Variants in OR6C74 observed in about 807,000 individuals in gnomAD.
OR6C74 encodes the protein olfactory receptor 6C74.
For synonymous variants in OR6C74, 142 were observed against 134.2 expected (o/e 1.06, Z -0.40); for missense variants, 361 against 362.9 (o/e 0.99, Z 0.04).
rs1954261251 is a variant in OR6C74, at chr12:55,244,832, A to G, written c.-10+15A>G. ...AATGAACCTAGGTAAGATTAATGTCATAATAAAATCTTCAAGCCTAAACAT... is the reference window on the plus strand; with the variant it reads ...AATGAACCTAGGTAAGATTAATGTCGTAATAAAATCTTCAAGCCTAAACAT... On this transcript the variant is annotated intron_variant, in intron 1 of 1. Coordinates refer to ENST00000343399, the MANE Select transcript of OR6C74 (RefSeq NM_001005490.2). Among the ~76,000 whole-genome samples, 1 of 152,098 alleles carries G rather than the reference A, an allele frequency of 6.6e-6. No homozygotes were observed. The highest frequency in any genetic ancestry group is 1.5e-5 in the Non-Finnish European group (1 of 67,940).
chr12:55,247,816 T>C lies in OR6C74; in HGVS notation c.529T>C (p.Cys177Arg). ...AGCCAACACTGTAGATCATTTCTTC[T>C]GTGATGTTTCTCCTATACTGCAGCT... ...CAANTVDHFF[C>R]DVSPILQLSC... is the part of the protein sequence containing the mutation. The change falls in exon 2 of 2, where the codon TGT becomes CGT. Residue 177 changes from cysteine (C) to arginine (R), a missense_variant. Cys to Arg is a radical substitution (Grantham distance 180). Coordinates refer to ENST00000343399, the MANE Select transcript of OR6C74 (RefSeq NM_001005490.2). 1 of 1,614,092 alleles carries C rather than the reference T, an allele frequency of 6.2e-7. No individual in the cohort carries two copies. Among genetic ancestry groups the C allele is most frequent in the Non-Finnish European group, 8.5e-7 (1 of 1,180,016 alleles).
rs768687692 is a variant in OR6C74 at position 55,247,789 on chromosome 12, G to A, written c.502G>A (p.Ala168Thr). The change falls in exon 2 of 2, where the codon GCA becomes ACA. Residue 168 changes from alanine (A) to threonine (T), a missense_variant. By Grantham distance (58) the Ala-to-Thr change is moderately conservative. Transcript: ENST00000343399. ...LLMGLQLDFCAANTVDHFFCD... is the reference protein window; with the variant it reads ...LLMGLQLDFCTANTVDHFFCD... ...GATGGGTCTCCAGCTTGATTTCTGTGCAGCCAACACTGTAGATCATTTCTT... is the reference window on the plus strand; with the variant it reads ...GATGGGTCTCCAGCTTGATTTCTGTACAGCCAACACTGTAGATCATTTCTT... 1 of 1,613,870 alleles carries A rather than the reference G, an allele frequency of 6.2e-7. No homozygotes were observed. The highest frequency in any genetic ancestry group is 1.1e-5 in the South Asian group (1 of 91,062).
At position 55,248,130 on chromosome 12, in the gene OR6C74, C is replaced by G. The variant is rs745531145; in HGVS notation, c.843C>G (p.Pro281=). Residue 281 remains proline (P), a synonymous_variant, in exon 2 of 2, where the codon CCC becomes CCG. Transcript: ENST00000343399. ...CTCTGCTCAGCACTTCTGTTGCCCCCATGTTGAATCCCTTTATTTATACAC... is the reference window on the plus strand; with the variant it reads ...CTCTGCTCAGCACTTCTGTTGCCCCGATGTTGAATCCCTTTATTTATACAC... ...GIALLSTSVA[P]MLNPFIYTLR... 1 of 1,613,670 alleles carries G rather than the reference C, an allele frequency of 6.2e-7. No individual in the cohort carries two copies. The highest frequency in any genetic ancestry group is 1.7e-5 in the Admixed American group (1 of 59,980).
At position 55,250,104 on chromosome 12, in the gene OR6C74, C is replaced by G. The variant is rs749342398; in HGVS notation, c.*1878C>G. Among the ~76,000 whole-genome samples, 7 of 152,080 alleles carry G rather than the reference C, an allele frequency of 4.6e-5. No homozygotes were observed. Among genetic ancestry groups the G allele is most frequent in the Non-Finnish European group, 1.0e-4 (7 of 68,010 alleles). On this transcript the variant is annotated 3_prime_UTR_variant, in exon 2 of 2. Transcript: ENST00000343399. ...TAACGACACTCAAGAAAAGTTGACT[C>G]AAAATGTTTGGAATCTGACAAAAAG...
In OR6C74 at chr12:55,255,303, G is replaced by A. The variant is rs1287838390; in HGVS notation, c.*7077G>A. Among the ~76,000 whole-genome samples the A allele has an allele frequency of 6.6e-6, 1 of 152,128 alleles. No individual in the cohort carries two copies. The highest frequency in any genetic ancestry group is 2.4e-5 in the African/African-American group (1 of 41,440). ...GGGAACGAGGAAACAACAGATGTTG[G>A]TGAGGATGTGGAGAAGTAGGAACAC... On this transcript the variant is annotated 3_prime_UTR_variant, in exon 2 of 2. Coordinates refer to ENST00000343399, the MANE Select transcript of OR6C74 (RefSeq NM_001005490.2).
At position 55,248,192 on chromosome 12, in the gene OR6C74, C is replaced by G; in HGVS notation, c.905C>G (p.Thr302Arg). ...CAAGTAAAAGATGTTTTTAAGCACA[C>G]AGTCAAAAAGATTGAACTTTTCTCA... ...NKQVKDVFKH[T>R]VKKIELFSMK is the part of the protein sequence containing the mutation. Residue 302 changes from threonine (T) to arginine (R), a missense_variant, in exon 2 of 2, where the codon ACA (threonine) becomes AGA (arginine). Thr to Arg is a moderately conservative substitution (Grantham distance 71). Coordinates refer to ENST00000343399, the MANE Select transcript of OR6C74 (RefSeq NM_001005490.2). 1 of 1,610,966 alleles carries G rather than the reference C, an allele frequency of 6.2e-7. No homozygotes were observed. Among genetic ancestry groups the G allele is most frequent in the Non-Finnish European group, 8.5e-7 (1 of 1,178,172 alleles).
In OR6C74 at chr12:55,252,693, T is replaced by A. The variant is rs1203300989; in HGVS notation, c.*4467T>A. 6.6e-6 allele frequency among the ~76,000 whole-genome samples: 1 copy of A among 151,980 alleles called. No homozygotes were observed. Among genetic ancestry groups the A allele is most frequent in the Non-Finnish European group, 1.5e-5 (1 of 67,906 alleles). Reference sequence around the variant, plus strand: ...TTTCCCATATTTTTAAAACACCATCTGTTTTGGAACAGAGTAAGGGGGTGA... The same window carrying A: ...TTTCCCATATTTTTAAAACACCATCAGTTTTGGAACAGAGTAAGGGGGTGA... On this transcript the variant is annotated 3_prime_UTR_variant, in exon 2 of 2. Transcript: ENST00000343399.
At position 55,248,015 on chromosome 12, in the gene OR6C74, T is replaced by C. The variant is rs1954286358; in HGVS notation, c.728T>C (p.Met243Thr). 3 of 1,614,068 alleles carry C rather than the reference T, an allele frequency of 1.9e-6. No homozygotes were observed. The highest frequency in any genetic ancestry group is 2.5e-6 in the Non-Finnish European group (3 of 1,179,962). The change falls in exon 2 of 2, where the codon ATG (methionine) becomes ACG (threonine). Residue 243 changes from methionine to threonine, a missense_variant. Coordinates refer to ENST00000343399, the MANE Select transcript of OR6C74 (RefSeq NM_001005490.2). ...KKAFSTCSSH[M>T]VVVSISYGSC... ...GCATTTTCTACATGTTCTTCCCACA[T>C]GGTGGTCGTGTCCATTTCTTATGGC... is the stretch of plus-strand genomic sequence containing the variant.
At chr12:55,247,114 A>G (rs775597397) in intron 1 of OR6C74, 165 bp from the exon 2 acceptor site, 10 of 493,040 alleles carry the variant, frequency 2.0e-5, no homozygotes, top group Middle Eastern at 5.0e-4. Context: ...GCATGTATTT[A>G]GCAACATTTT....
rs188032119 is a variant in OR6C74 at position 55,254,388 on chromosome 12, C to T, written c.*6162C>T. Among the ~76,000 whole-genome samples, 292 of 152,164 alleles carry T rather than the reference C, an allele frequency of 1.9e-3. No homozygotes were observed. Among genetic ancestry groups the T allele is most frequent in the African/African-American group, 6.5e-3 (271 of 41,534 alleles). On this transcript the variant is annotated 3_prime_UTR_variant, in exon 2 of 2. Coordinates refer to ENST00000343399, the MANE Select transcript of OR6C74 (RefSeq NM_001005490.2). ...TTTACATATATGAAATACATACACA[C>T]ATATATGTAATTCCCAGTTGGGATC...
intron 1 of OR6C74, among the ~76,000 whole-genome samples, chr12:55,245,142 T>C (rs1398086130): frequency 6.6e-6 from 1 of 152,120 alleles, no homozygotes; most frequent in Admixed American, 6.5e-5. Context: ...TTTGTTTTTG[T>C]TTTTGTTTTT....
Position 55,252,165 on chromosome 12 carries a change from T to C in OR6C74, c.*3939T>C, listed in dbSNP as rs1954315562. ...ATATTTTAATAATATAACTTTACAG[T>C]ATAACTTTTAATTTTACTTATGGTA... is the stretch of plus-strand genomic sequence containing the variant. On this transcript the variant is annotated 3_prime_UTR_variant, in exon 2 of 2. Transcript: ENST00000343399. Among the ~76,000 whole-genome samples, 1 of 151,758 alleles carries C rather than the reference T, an allele frequency of 6.6e-6. No homozygotes were observed. The highest frequency in any genetic ancestry group is 1.5e-5 in the Non-Finnish European group (1 of 67,790).
chr12:55,246,310 G>C (rs1196668809), intron 1 of OR6C74, among the ~76,000 whole-genome samples: 1 of 152,148 alleles, frequency 6.6e-6, no homozygotes, highest in Non-Finnish European at 1.5e-5. Flanking sequence ...ATGCAGAGCA[G>C]TGACACTAAT....
Position 55,253,190 on chromosome 12 carries a change from T to G in OR6C74, c.*4964T>G, listed in dbSNP as rs1202322178. Among the ~76,000 whole-genome samples the G allele has an allele frequency of 2.6e-5, 4 of 152,130 alleles. No individual in the cohort carries two copies. Among genetic ancestry groups the G allele is most frequent in the Non-Finnish European group, 5.9e-5 (4 of 67,980 alleles). On this transcript the variant is annotated 3_prime_UTR_variant, in exon 2 of 2. Transcript: ENST00000343399. ...TTCATTCCCAAAATCAATAACTGGA[T>G]ATTTAGTGCCAGAATTATTTTTGAT...
chr12:55,255,110 A>T lies in OR6C74; in HGVS notation c.*6884A>T, dbSNP rs545556725. ...ATTTGCTTCCTGACTAGGATTATAA[A>T]ATAGATGTCTCCCAGGGTGGCCAGG... On this transcript the variant is annotated 3_prime_UTR_variant, in exon 2 of 2. Coordinates refer to ENST00000343399, the MANE Select transcript of OR6C74 (RefSeq NM_001005490.2). 1.3e-5 allele frequency among the ~76,000 whole-genome samples: 2 copies of T among 152,164 alleles called. No homozygotes were observed. The highest frequency in any genetic ancestry group is 3.9e-4 in the East Asian group (2 of 5,160).
At chr12:55,246,811 A>G (rs1399621245) in intron 1 of OR6C74, among the ~76,000 whole-genome samples, 1 of 152,096 alleles carries the variant, frequency 6.6e-6, no homozygotes, top group Non-Finnish European at 1.5e-5. Context: ...CTTTGCTTTG[A>G]TCTTAAAAGA....
rs556283600 is a variant in OR6C74 at position 55,251,916 on chromosome 12, T to C, written c.*3690T>C. Among the ~76,000 whole-genome samples, 2 of 151,854 alleles carry C rather than the reference T, an allele frequency of 1.3e-5. No homozygotes were observed. Among genetic ancestry groups the C allele is most frequent in the East Asian group, 3.9e-4 (2 of 5,168 alleles). Reference sequence around the variant, plus strand: ...AAAAATAAATGCTACCTTCAAATATTAAGATTACTGTGTTCTCAAAAATTA... The same window carrying C: ...AAAAATAAATGCTACCTTCAAATATCAAGATTACTGTGTTCTCAAAAATTA... On this transcript the variant is annotated 3_prime_UTR_variant, in exon 2 of 2. Coordinates refer to ENST00000343399, the MANE Select transcript of OR6C74 (RefSeq NM_001005490.2).
rs547746356 is a variant in OR6C74 at position 55,254,580 on chromosome 12, C to T, written c.*6354C>T. Among the ~76,000 whole-genome samples the T allele has an allele frequency of 6.6e-6, 1 of 152,172 alleles. No individual in the cohort carries two copies. Among genetic ancestry groups the T allele is most frequent in the African/African-American group, 2.4e-5 (1 of 41,538 alleles). On this transcript the variant is annotated 3_prime_UTR_variant, in exon 2 of 2. Coordinates refer to ENST00000343399, the MANE Select transcript of OR6C74 (RefSeq NM_001005490.2). The stretch of plus-strand genomic sequence containing the variant: ...AATTTATTTAGGACAGTCATGGGAA[C>T]TTCATGATTTGCTGATTATTGTATA...
In OR6C74 at chr12:55,250,636, G is replaced by A. The variant is rs184674555; in HGVS notation, c.*2410G>A. Among the ~76,000 whole-genome samples, 1 of 152,050 alleles carries A rather than the reference G, an allele frequency of 6.6e-6. No homozygotes were observed. Among genetic ancestry groups the A allele is most frequent in the African/African-American group, 2.4e-5 (1 of 41,482 alleles). ...TATAGGCACTTAAAATTTTTAAATT[G>A]TGCTAGGATTCTAAAAAATATTAAA... On this transcript the variant is annotated 3_prime_UTR_variant, in exon 2 of 2. Coordinates refer to ENST00000343399, the MANE Select transcript of OR6C74 (RefSeq NM_001005490.2).
Sources: gnomAD v4.1 joint callset for allele counts (sites outside exome capture counted in the v4.1 genomes callset) on GRCh38, gnomAD v4.1.1 for gene constraint, MANE v1.5 for transcripts, NCBI Gene and HGNC (gene_info 2026-07-23, HGNC 2026-07-21) for gene names.